HS3ST3A1: variants seen among roughly 807,000 people sequenced by gnomAD.
The protein encoded by HS3ST3A1 is heparan sulfate-glucosamine 3-sulfotransferase 3A1, also known as heparan sulfate glucosamine 3-O-sulfotransferase 3A1.
In HS3ST3A1, 19 loss-of-function variants were observed where a neutral mutation model predicts 25.7. That is an observed-to-expected ratio of 0.74 (90% CI 0.52 to 1.08). The LOEUF (loss-of-function observed/expected upper bound fraction) is 1.08. Ranked by LOEUF, HS3ST3A1 falls within the 50% of genes least tolerant of loss-of-function variation. The pLI, the probability that HS3ST3A1 is intolerant of heterozygous loss-of-function variation, is 0.00. For synonymous variants in HS3ST3A1, 226 were observed against 278.6 expected (o/e 0.81, Z 1.88); for missense variants, 459 against 594.3 (o/e 0.77, Z 2.37).
At chr17:13,500,728 T>C (rs908941261) in intron 1 of HS3ST3A1, among the ~76,000 whole-genome samples, 4 of 152,162 alleles carry the variant, frequency 2.6e-5, no homozygotes, top group Admixed American at 1.3e-4. Flanking sequence ...TATAGAAATG[T>C]ATTTGTTTTG....
At chr17:13,507,335 C>T (rs1409413122) in intron 1 of HS3ST3A1, among the ~76,000 whole-genome samples, 1 of 152,132 alleles carries the variant, frequency 6.6e-6, no homozygotes, top group Non-Finnish European at 1.5e-5. Context: ...GGGAAATAGG[C>T]TCAGAGAGAT....
chr17:13,560,152 T>G (rs910627957), intron 1 of HS3ST3A1, among the ~76,000 whole-genome samples: 15 of 151,002 alleles, frequency 9.9e-5, no homozygotes, highest in Non-Finnish European at 7.4e-5. Context: ...TAGCCAGGTA[T>G]GGTGGCACAT....
intron 1 of HS3ST3A1, among the ~76,000 whole-genome samples, chr17:13,583,766 C>A (rs1016585673): frequency 2.0e-5 from 3 of 152,178 alleles, no homozygotes; most frequent in African/African-American, 7.2e-5. Context: ...TTCTCTATTT[C>A]TTTTCTCTAC....
intron 1 of HS3ST3A1, among the ~76,000 whole-genome samples, chr17:13,535,938 A>C (rs142036441): frequency 1.3e-3 from 201 of 152,306 alleles, no homozygotes; most frequent in African/African-American, 4.0e-3. Context: ...AGATTCTTTC[A>C]TTAAGATGAG....
chr17:13,601,439 C>A lies in HS3ST3A1; in HGVS notation c.-310G>T. 3.4e-6 allele frequency: 1 copy of A among 294,322 alleles called. No individual in the cohort carries two copies. Among genetic ancestry groups the A allele is most frequent in the Non-Finnish European group, 6.2e-6 (1 of 160,270 alleles). 18.2% of individuals were successfully genotyped at this position (294,322 alleles called of 1,614,324 possible). On this transcript the variant is annotated 5_prime_UTR_variant, in exon 1 of 2. Coordinates refer to ENST00000284110, the MANE Select transcript of HS3ST3A1 (RefSeq NM_006042.3). Reference sequence around the variant, plus strand: ...TTGGGGCAGCCTTGGCCCCTCGGTTCCCCGCAAGAGTCGCCGGAATCGGGG... The same window carrying A: ...TTGGGGCAGCCTTGGCCCCTCGGTTACCCGCAAGAGTCGCCGGAATCGGGG...
chr17:13,572,834 G>A lies in HS3ST3A1; in HGVS notation c.599+27697C>T, dbSNP rs555283959. Among the ~76,000 whole-genome samples, 14 of 152,324 alleles carry A rather than the reference G, an allele frequency of 9.2e-5. 1 individual carries two copies. In the East Asian group the frequency reaches 9.7e-4, roughly 11 times the overall value. On this transcript the variant is annotated intron_variant, in intron 1 of 1. Transcript: ENST00000284110. ...AAAACACAAACTCAAGGAACTAGCC[G>A]TCCTGTTAGGGATATGGGAGGCAGG... is the stretch of plus-strand genomic sequence containing the variant.
At chr17:13,574,494 G>T (rs926617192) in intron 1 of HS3ST3A1, among the ~76,000 whole-genome samples, 1 of 151,516 alleles carries the variant, frequency 6.6e-6, no homozygotes, top group Non-Finnish European at 1.5e-5. Context: ...TGAGACAGGC[G>T]GATCACGAGG....
intron 1 of HS3ST3A1, among the ~76,000 whole-genome samples, chr17:13,581,431 C>T (rs1023457369): frequency 1.2e-4 from 18 of 147,454 alleles, no homozygotes; most frequent in Non-Finnish European, 2.7e-4. Flanking sequence ...CGAGCCACTG[C>T]ACTCCAGCCT....
At chr17:13,556,359 T>A (rs1382029417) in intron 1 of HS3ST3A1, among the ~76,000 whole-genome samples, 1 of 150,734 alleles carries the variant, frequency 6.6e-6, no homozygotes, top group African/African-American at 2.4e-5. Flanking sequence ...ATACAAAAAA[T>A]CAGTGGGGCC....
rs140763908 is a variant in HS3ST3A1 at position 13,552,317 on chromosome 17, G to A, written c.599+48214C>T. 9.8e-3 allele frequency among the ~76,000 whole-genome samples: 1,490 copies of A among 152,166 alleles called. 33 individuals carry two copies. Among genetic ancestry groups the A allele is most frequent in the African/African-American group, 0.034 (1,420 of 41,518 alleles). ...AGACTGGTCTCGAACTCCTGACCTC[G>A]TGATCCACCCGCCTCGGCCTCCTAA... On this transcript the variant is annotated intron_variant, in intron 1 of 1. Transcript: ENST00000284110.
At chr17:13,519,651 G>A (rs1906167146) in intron 1 of HS3ST3A1, among the ~76,000 whole-genome samples, 1 of 151,980 alleles carries the variant, frequency 6.6e-6, no homozygotes, top group African/African-American at 2.4e-5. Context: ...GACCTAATTT[G>A]GCCTTTCAGA....
chr17:13,531,336 T>C (rs1225292729), intron 1 of HS3ST3A1, among the ~76,000 whole-genome samples: 1 of 152,194 alleles, frequency 6.6e-6, no homozygotes, highest in Non-Finnish European at 1.5e-5. Context: ...CCGTTGCATA[T>C]CACCTTCCCT....
intron 1 of HS3ST3A1, among the ~76,000 whole-genome samples, chr17:13,550,224 A>G (rs1331818835): frequency 1.3e-5 from 2 of 152,186 alleles, no homozygotes; most frequent in Non-Finnish European, 2.9e-5. Flanking sequence ...ACTTTAGTTT[A>G]AATTTTCTTT....
At chr17:13,503,961 A>T (rs1905573841) in intron 1 of HS3ST3A1, among the ~76,000 whole-genome samples, 1 of 152,208 alleles carries the variant, frequency 6.6e-6, no homozygotes, top group Non-Finnish European at 1.5e-5. Context: ...TGTCCACCCA[A>T]AATAGACGCA....
intron 1 of HS3ST3A1, among the ~76,000 whole-genome samples, chr17:13,525,822 G>A (rs1906396956): frequency 6.6e-6 from 1 of 152,050 alleles, no homozygotes; most frequent in Admixed American, 6.6e-5. Context: ...AGTGCCTGTT[G>A]AAATCTGTTC....
chr17:13,573,103 C>A (rs1250499200), intron 1 of HS3ST3A1, among the ~76,000 whole-genome samples: 2 of 152,168 alleles, frequency 1.3e-5, no homozygotes, highest in African/African-American at 4.8e-5. Context: ...GTTGACAAAT[C>A]CATCAGATTT....
chr17:13,591,221 A>G (rs942679883), intron 1 of HS3ST3A1, among the ~76,000 whole-genome samples: 1 of 151,404 alleles, frequency 6.6e-6, no homozygotes, highest in African/African-American at 2.4e-5. Flanking sequence ...AATCTTTTGT[A>G]TTTTGGGTAG....
At chr17:13,572,931 C>G (rs753406219) in intron 1 of HS3ST3A1, among the ~76,000 whole-genome samples, 1 of 152,194 alleles carries the variant, frequency 6.6e-6, no homozygotes, top group Non-Finnish European at 1.5e-5. Context: ...CAAGACCTTG[C>G]TTATTTAACA....
chr17:13,584,005 A>T (rs1908181531), intron 1 of HS3ST3A1, among the ~76,000 whole-genome samples: 1 of 152,238 alleles, frequency 6.6e-6, no homozygotes, highest in Non-Finnish European at 1.5e-5. Context: ...AAGAAAAAGG[A>T]AAGTATTGAA....
Sources: gnomAD v4.1 joint callset for allele counts (sites outside exome capture counted in the v4.1 genomes callset) on GRCh38, gnomAD v4.1.1 for gene constraint, MANE v1.5 for transcripts, NCBI Gene and HGNC (gene_info 2026-07-23, HGNC 2026-07-21) for gene names.